ANKRD28: variants seen among roughly 807,000 people sequenced by gnomAD.
The protein encoded by ANKRD28 is ankyrin repeat domain 28, also known as serine/threonine-protein phosphatase 6 regulatory ankyrin repeat subunit A.
In ANKRD28, 44 loss-of-function variants were observed where a neutral mutation model predicts 126.5. That is an observed-to-expected ratio of 0.35 (90% CI 0.27 to 0.45). The LOEUF (loss-of-function observed/expected upper bound fraction) is 0.45. Among genes scored for constraint, ANKRD28 ranks in the 20% least tolerant of loss-of-function variants. The probability of loss-of-function intolerance (pLI) is 1.00; values close to 1 mark genes in which losing one functional copy is unlikely to be tolerated. For missense variants in ANKRD28, 1,110 were observed against 1,316.6 expected, an observed-to-expected ratio of 0.84 and a Z score of 2.43; for synonymous variants, 442 against 468.5, an observed-to-expected ratio of 0.94 and a Z score of 0.73.
At chr3:15,798,130 A>G, upstream of ANKRD28, 1 of 985,366 alleles carries the variant, frequency 1.0e-6, no homozygotes, top group Non-Finnish European at 1.2e-6. Context: ...CGCTTTTAAC[A>G]TTTTCCACTA....
rs574086305 is a variant in ANKRD28, at chr3:15,845,863, A to G, written c.27+13514T>C. Among the ~76,000 whole-genome samples, 4 of 152,258 alleles carry G rather than the reference A, an allele frequency of 2.6e-5. No homozygotes were observed. Among genetic ancestry groups the G allele is most frequent in the Non-Finnish European group, 4.4e-5 (3 of 68,022 alleles). ...GTAGGGGTATGTGCCACACACTTTAAACCATTGCATCTCGTGAAAACTCGC... is the reference window on the plus strand; with the variant it reads ...GTAGGGGTATGTGCCACACACTTTAGACCATTGCATCTCGTGAAAACTCGC... On this transcript the variant is annotated intron_variant, in intron 1 of 27. Coordinates refer to the ANKRD28 transcript ENST00000399451. This position sits in a 1 kb window ranked among gnomAD's most constrained non-coding sequence, Gnocchi z 4.9.
Position 15,833,604 on chromosome 3 carries a change from A to C in ANKRD28, c.27+25773T>G. 6.6e-6 allele frequency among the ~76,000 whole-genome samples: 1 copy of C among 151,016 alleles called. No homozygotes were observed. The highest frequency in any genetic ancestry group is 1.9e-4 in the East Asian group (1 of 5,180). On this transcript the variant is annotated intron_variant, in intron 1 of 27. Transcript: ENST00000399451. This position sits in a 1 kb window ranked among gnomAD's most constrained non-coding sequence, Gnocchi z 4.4. ...CCTATTAGTTCTGTCCCTCTAGAGA[A>C]CCCTAATACAGCACCCTTGGCAACA...
intron 27 of ANKRD28, among the ~76,000 whole-genome samples, chr3:15,675,443 C>T (rs1429071218): frequency 6.6e-6 from 1 of 152,024 alleles, no homozygotes; most frequent in Admixed American, 6.6e-5. Flanking sequence ...TGTTTATATA[C>T]TGAGAGGAAT....
chr3:15,742,395 T>G (rs9829111), intron 4 of ANKRD28, among the ~76,000 whole-genome samples: 19 of 147,360 alleles, frequency 1.3e-4, no homozygotes, highest in African/African-American at 4.9e-4. Context: ...CGCCGCCCCG[T>G]CTGGGATGTG....
intron 1 of ANKRD28, among the ~76,000 whole-genome samples, chr3:15,858,858 A>C (rs1027467822): frequency 6.6e-6 from 1 of 152,224 alleles, no homozygotes; most frequent in East Asian, 1.9e-4. Flanking sequence ...AAGTAACAAG[A>C]TGGTGCACAA....
intron 25 of ANKRD28, 27 bp downstream of exon 25, chr3:15,677,453 A>G (rs1273701342): frequency 6.5e-7 from 1 of 1,542,988 alleles, no homozygotes; most frequent in Non-Finnish European, 8.9e-7. Flanking sequence ...TTAACAATGG[A>G]AACATATTCT....
At chr3:15,736,949 T>C in intron 5 of ANKRD28, 84 bp downstream of exon 5, 1 of 1,386,924 alleles carries the variant, frequency 7.2e-7, no homozygotes, top group Non-Finnish European at 1.0e-6. Flanking sequence ...TGTATGCCTT[T>C]ACTATGCAAA....
intron 1 of ANKRD28, among the ~76,000 whole-genome samples, chr3:15,826,152 T>C (rs560766210): frequency 3.3e-5 from 5 of 152,316 alleles, no homozygotes; most frequent in African/African-American, 1.2e-4. Flanking sequence ...TCACTATTTG[T>C]AATAACTAAA....
At chr3:15,718,624 TGGCAGTGCATAAAACAG>T (rs1419007834) in intron 8 of ANKRD28, among the ~76,000 whole-genome samples, 9 of 151,780 alleles carry the variant, frequency 5.9e-5, no homozygotes, top group African/African-American at 2.2e-4. Context: ...CATGCCAAAA[TGGCAGTGCATAAAACAG>T]GAAGCCCAAT....
intron 1 of ANKRD28, among the ~76,000 whole-genome samples, chr3:15,840,555 A>G (rs924283761): frequency 6.6e-6 from 1 of 152,236 alleles, no homozygotes; most frequent in Non-Finnish European, 1.5e-5. Flanking sequence ...TAACATTTAT[A>G]TGGAACAACA....
chr3:15,684,832 A>C (rs977964712), intron 21 of ANKRD28: 2 of 169,620 alleles, frequency 1.2e-5, no homozygotes, highest in African/African-American at 4.8e-5. Context: ...TAAGGATCTA[A>C]GAAAAACTTC....
At chr3:15,687,472 T>C (rs137881511) in intron 18 of ANKRD28, among the ~76,000 whole-genome samples, 123 of 152,300 alleles carry the variant, frequency 8.1e-4, no homozygotes, top group African/African-American at 2.7e-3. Flanking sequence ...TTAAATCCTC[T>C]GCAAAATTCA....
At chr3:15,739,108 A>G (rs2075258131) in intron 4 of ANKRD28, among the ~76,000 whole-genome samples, 1 of 151,996 alleles carries the variant, frequency 6.6e-6, no homozygotes, top group Non-Finnish European at 1.5e-5. Flanking sequence ...AGGTGCCCGG[A>G]TTTCATATCG....
Position 15,667,579 on chromosome 3 carries a change from G to T in ANKRD28, c.*2691C>A, listed in dbSNP as rs1027987286. On this transcript the variant is annotated 3_prime_UTR_variant, in exon 28 of 28. Coordinates refer to ENST00000683139, the MANE Select transcript of ANKRD28 (RefSeq NM_001349278.2). ...GTGTAACCATAAAGGAAATTTCTAC[G>T]GTGCTGTGTTCATTCATTCAAGTAA... 9 of 152,168 alleles carry T rather than the reference G, an allele frequency of 5.9e-5. No homozygotes were observed. Among genetic ancestry groups the T allele is most frequent in the African/African-American group, 2.2e-4 (9 of 41,450 alleles). The allele number at this position is 152,168 out of a possible 1,614,324, so 9.4% of individuals were successfully genotyped here.
At chr3:15,774,311 G>A (rs1575626113) in intron 2 of ANKRD28, among the ~76,000 whole-genome samples, 1 of 152,186 alleles carries the variant, frequency 6.6e-6, no homozygotes, top group East Asian at 1.9e-4. Flanking sequence ...TAGTTAAGAG[G>A]ATAAAAAGAC....
chr3:15,819,777 T>C (rs2060904203), intron 1 of ANKRD28, among the ~76,000 whole-genome samples: 1 of 152,232 alleles, frequency 6.6e-6, no homozygotes, highest in African/African-American at 2.4e-5. Context: ...ACTCTGCCAG[T>C]CTGTTTTCTT....
At position 15,829,108 on chromosome 3, in the gene ANKRD28, T is replaced by C. The variant is rs751732450; in HGVS notation, c.27+30269A>G. Reference sequence around the variant, plus strand: ...TGAAGAGCCCAAAAAGTTTTGCTTATGAGGATTATTTCTACTGATGTCTAC... The same window carrying C: ...TGAAGAGCCCAAAAAGTTTTGCTTACGAGGATTATTTCTACTGATGTCTAC... On this transcript the variant is annotated intron_variant, in intron 1 of 27. Transcript: ENST00000399451. 2.6e-5 allele frequency among the ~76,000 whole-genome samples: 4 copies of C among 152,214 alleles called. No homozygotes were observed. In the East Asian group the frequency reaches 5.8e-4, roughly 22 times the overall value.
In ANKRD28 at chr3:15,670,051, T is replaced by C; in HGVS notation, c.*219A>G. On this transcript the variant is annotated 3_prime_UTR_variant, in exon 28 of 28. Transcript: ENST00000683139. ...ATTCCACAAAGAATTCTGACATCAA[T>C]GTGTTTTCCTCAGTCAGGTCTATTT... 2 of 518,844 alleles carry C rather than the reference T, an allele frequency of 3.9e-6. No homozygotes were observed. Among genetic ancestry groups the C allele is most frequent in the South Asian group, 2.9e-5 (1 of 34,428 alleles). The allele number at this position is 518,844 out of a possible 1,614,324, so 32.1% of individuals were successfully genotyped here. A position where few individuals can be genotyped will look rare whatever the true frequency, so the allele number is the denominator to read the frequency against.
intron 1 of ANKRD28, among the ~76,000 whole-genome samples, chr3:15,805,345 G>A: frequency 6.6e-6 from 1 of 152,236 alleles, no homozygotes. Context: ...TGATTACCTT[G>A]AGAAGCAGTT....
Sources: gnomAD v4.1 joint callset for allele counts (sites outside exome capture counted in the v4.1 genomes callset) on GRCh38, gnomAD v4.1.1 for gene constraint, Gnocchi (gnomAD v3.1) non-coding constraint, MANE v1.5 for transcripts, NCBI Gene and HGNC (gene_info 2026-07-23, HGNC 2026-07-21) for gene names.